KAT6A: variants seen among roughly 807,000 people sequenced by gnomAD.
KAT6A encodes the protein histone acetyltransferase KAT6A.
Under a neutral mutation model 198.4 loss-of-function variants are expected in KAT6A, and 9 were observed. That is an observed-to-expected ratio of 0.05 (90% CI 0.03 to 0.08). KAT6A has a LOEUF of 0.08. KAT6A is among the 10% of genes least tolerant of loss of function. The pLI, the probability that KAT6A is intolerant of heterozygous loss-of-function variation, is 1.00. For missense variants in KAT6A, 2,077 were observed against 2,509.9 expected, an observed-to-expected ratio of 0.83 and a Z score of 3.69; for synonymous variants, 890 against 883.0, an observed-to-expected ratio of 1.01 and a Z score of -0.14.
At chr8:42,036,887 T>C (rs1035396516) in intron 2 of KAT6A, among the ~76,000 whole-genome samples, 1 of 152,210 alleles carries the variant, frequency 6.6e-6, no homozygotes, top group Admixed American at 6.5e-5. Context: ...TTTCCAGAAG[T>C]ACACTGTCCT....
chr8:42,007,989 T>TAAAAAAAAAA (rs1564061372), intron 2 of KAT6A, among the ~76,000 whole-genome samples: 6 of 121,520 alleles, frequency 4.9e-5, no homozygotes, highest in African/African-American at 1.9e-4. Flanking sequence ...AAAAAAAAAT[T>TAAAAAAAAAA]TTTATTGTTA....
rs1362657695 is a variant in KAT6A at position 41,934,775 on chromosome 8, T to C, written c.3445A>G (p.Lys1149Glu). Residue 1149 changes from lysine to glutamate, a missense_variant, in exon 17 of 17, where the codon AAA (lysine) becomes GAA (glutamate). Transcript: ENST00000265713. ...CTCTTGCCTTTGGGCCATCCCTTTT[T>C]CTTTTTCAAAGGTGTGGATGTATCT... The part of the protein sequence containing the change: ...EPDTSTPLKK[K>E]KGWPKGKSRK... The C allele has an allele frequency of 1.9e-6, 3 of 1,614,178 alleles. No homozygotes were observed. Among genetic ancestry groups the C allele is most frequent in the South Asian group, 1.1e-5 (1 of 91,090 alleles).
Position 41,934,200 on chromosome 8 carries a change from A to T in KAT6A, c.4020T>A (p.Asp1340Glu), listed in dbSNP as rs1821726055. ...CTTGAACACCAGGCTCCTCCTTGAC[A>T]TCTTCCCTCGTGGGCTGTTCCTCTA... The part of the protein sequence containing the change: ...KELEEQPTRE[D>E]VKEEPGVQES... Residue 1340 changes from aspartate (D) to glutamate (E), a missense_variant, in exon 17 of 17, where the codon GAT becomes GAA. By Grantham distance (45) the Asp-to-Glu change is conservative. Around this residue, in one of 13 missense-constraint regions of KAT6A, gnomAD observed 375 missense variants for 383.0 expected, o/e 0.98. Coordinates refer to ENST00000265713, the MANE Select transcript of KAT6A (RefSeq NM_006766.5). 1 of 1,613,878 alleles carries T rather than the reference A, an allele frequency of 6.2e-7. No homozygotes were observed. Among genetic ancestry groups the T allele is most frequent in the Non-Finnish European group, 8.5e-7 (1 of 1,180,012 alleles).
intron 15 of KAT6A, 62 bp from the exon 16 acceptor site, chr8:41,937,630 G>A (rs1016549337): frequency 3.7e-5 from 49 of 1,342,184 alleles, no homozygotes; most frequent in East Asian, 1.9e-4. Context: ...TTAATAATAC[G>A]AAAACAGTTT....
At chr8:41,949,697 T>C (rs1220716834) in intron 9 of KAT6A, among the ~76,000 whole-genome samples, 1 of 152,170 alleles carries the variant, frequency 6.6e-6, no homozygotes, top group Non-Finnish European at 1.5e-5. Context: ...GTGAAGACCA[T>C]AACCATTTTT....
chr8:42,031,011 G>C (rs184791443), intron 2 of KAT6A, among the ~76,000 whole-genome samples: 10 of 114,600 alleles, frequency 8.7e-5, no homozygotes, highest in Non-Finnish European at 1.5e-4. Context: ...GTATGTTAAG[G>C]TATGCTGCCA....
intron 7 of KAT6A, among the ~76,000 whole-genome samples, chr8:41,975,195 T>G (rs1823989622): frequency 6.6e-6 from 1 of 152,162 alleles, no homozygotes; most frequent in Non-Finnish European, 1.5e-5. Context: ...CAAAAAAACC[T>G]CTTGAGTAGC....
intron 9 of KAT6A, 143 bp from the exon 10 acceptor site, chr8:41,949,506 T>TA (rs1822567043): frequency 2.2e-6 from 1 of 458,836 alleles, no homozygotes; most frequent in African/African-American, 2.0e-5. Context: ...TACTGGACGG[T>TA]AAAATGACAA....
At chr8:41,974,556 A>T in intron 8 of KAT6A, 148 bp downstream of exon 8, 1 of 505,102 alleles carries the variant, frequency 2.0e-6, no homozygotes, top group African/African-American at 1.9e-5. Flanking sequence ...GGAATATTAT[A>T]AACAGCAGAA....
chr8:41,964,824 C>T (rs1823382698), intron 8 of KAT6A, among the ~76,000 whole-genome samples: 1 of 152,088 alleles, frequency 6.6e-6, no homozygotes. Context: ...ACTGTAATAA[C>T]AGTTACGTGA....
intron 8 of KAT6A, among the ~76,000 whole-genome samples, chr8:41,959,960 G>GAA (rs879899085): frequency 1.8e-5 from 2 of 114,070 alleles, no homozygotes; most frequent in African/African-American, 3.2e-5. Context: ...TGTCTTTAAA[G>GAA]AAAAAAAAAA....
intron 13 of KAT6A, 99 bp downstream of exon 13, chr8:41,943,649 A>G: frequency 1.4e-6 from 1 of 718,670 alleles, no homozygotes; most frequent in South Asian, 1.8e-5. Context: ...TATATCATTT[A>G]TATTAGTTAA....
At chr8:42,004,709 T>G (rs1239193714) in intron 2 of KAT6A, among the ~76,000 whole-genome samples, 1 of 152,136 alleles carries the variant, frequency 6.6e-6, no homozygotes, top group African/African-American at 2.4e-5. Flanking sequence ...ACAGATCACC[T>G]GAGGTCAGGA....
rs1194109343 is a variant in KAT6A, at chr8:41,930,809, G to GA, written c.*1395dup. 4 of 176,288 alleles carry GA rather than the reference G, an allele frequency of 2.3e-5. No individual in the cohort carries two copies. The highest frequency in any genetic ancestry group is 3.5e-5 in the Non-Finnish European group (3 of 86,808). The allele number at this position is 176,288 out of a possible 1,614,324, so 10.9% of individuals were successfully genotyped here. A position where few individuals can be genotyped will look rare whatever the true frequency, so the allele number is the denominator to read the frequency against. On this transcript the variant is annotated 3_prime_UTR_variant, in exon 17 of 17. Transcript: ENST00000265713. ...GAATGGGCAAACTGGTTGCACGAGA[G>GA]AAAAGAGAATGGAGTTGGGAGCAAC...
intron 2 of KAT6A, among the ~76,000 whole-genome samples, chr8:42,026,841 C>G (rs1396135833): frequency 6.6e-6 from 1 of 152,046 alleles, no homozygotes; most frequent in Admixed American, 6.5e-5. Flanking sequence ...TTGCCTTATT[C>G]CAATTCTTAG....
At chr8:42,032,266 A>C (rs1440584598) in intron 2 of KAT6A, among the ~76,000 whole-genome samples, 1 of 152,150 alleles carries the variant, frequency 6.6e-6, no homozygotes, top group Non-Finnish European at 1.5e-5. Flanking sequence ...TATTACCTTA[A>C]CTATATAATT....
intron 15 of KAT6A, among the ~76,000 whole-genome samples, chr8:41,940,009 T>C (rs1285050979): frequency 6.6e-6 from 1 of 152,224 alleles, no homozygotes; most frequent in East Asian, 1.9e-4. Context: ...TCTGAAGATA[T>C]TATTCTTAAA....
At chr8:41,983,003 A>C (rs961638068) in intron 3 of KAT6A, among the ~76,000 whole-genome samples, 1 of 152,216 alleles carries the variant, frequency 6.6e-6, no homozygotes. Context: ...ACCATCACTT[A>C]AAGTGAGTTA....
At chr8:41,967,093 T>G (rs1823530862) in intron 8 of KAT6A, among the ~76,000 whole-genome samples, 1 of 152,050 alleles carries the variant, frequency 6.6e-6, no homozygotes, top group South Asian at 2.1e-4. Flanking sequence ...CTCTGTAACT[T>G]TCCAGAACCA....
Sources: gnomAD v4.1 joint callset for allele counts (sites outside exome capture counted in the v4.1 genomes callset) on GRCh38, gnomAD v4.1.1 for gene constraint, gnomAD v4.1.1 regional missense constraint, MANE v1.5 for transcripts, NCBI Gene and HGNC (gene_info 2026-07-23, HGNC 2026-07-21) for gene names.